MADD: variants seen among roughly 807,000 people sequenced by gnomAD.
The protein encoded by MADD is MAP kinase activating death domain.
In MADD, 109 loss-of-function variants were observed where a neutral mutation model predicts 176.7. That is an observed-to-expected ratio of 0.62 (90% CI 0.53 to 0.72). The LOEUF (loss-of-function observed/expected upper bound fraction) is 0.72, where lower values mean the gene tolerates loss of function less well. MADD is among the 30% of genes least tolerant of loss of function. The pLI is 0.00. For synonymous variants in MADD, 771 were observed against 771.3 expected (o/e 1.00, Z 0.01); for missense variants, 1,914 against 2,045.5 (o/e 0.94, Z 1.24).
At chr11:47,316,877 G>A (rs945938836) in intron 27 of MADD, among the ~76,000 whole-genome samples, 1 of 151,880 alleles carries the variant, frequency 6.6e-6, no homozygotes, top group African/African-American at 2.4e-5. Context: ...CTGAGTAGCT[G>A]GGATTACAGT....
At chr11:47,317,807 A>T (rs557416321) in intron 27 of MADD, among the ~76,000 whole-genome samples, 4 of 150,344 alleles carry the variant, frequency 2.7e-5, no homozygotes, top group Non-Finnish European at 4.4e-5. Context: ...GTCTCTCTCT[A>T]TCGCCCAGGC....
intron 10 of MADD, 105 bp downstream of exon 10, chr11:47,283,074 G>T: frequency 1.1e-6 from 1 of 918,170 alleles, no homozygotes; most frequent in Non-Finnish European, 1.5e-6. Flanking sequence ...CCATATCAGT[G>T]TTTTTAATTT....
At chr11:47,283,345 G>A (rs780762067) in intron 10 of MADD, among the ~76,000 whole-genome samples, 3 of 151,798 alleles carry the variant, frequency 2.0e-5, no homozygotes, top group Non-Finnish European at 4.4e-5. Flanking sequence ...TGCCCGCCTC[G>A]GCCTCCCAAA....
intron 20 of MADD, 53 bp from the exon 23 acceptor site, chr11:47,295,443 G>A: frequency 1.4e-6 from 2 of 1,415,596 alleles, no homozygotes; most frequent in Non-Finnish European, 2.0e-6. Flanking sequence ...ATTTCTGTGG[G>A]AAACTGAGAG....
At chr11:47,329,333 C>T (rs2095804954) in exon 33 of MADD, 5 of 597,390 alleles carry the variant, frequency 8.4e-6, no homozygotes, top group South Asian at 3.9e-5. Flanking sequence ...AGCGTGTCCA[C>T]CTTCTCCCTC....
rs1025080846 is a variant in MADD at position 47,281,506 on chromosome 11, C to G, written c.1291-69C>G. 6.0e-6 allele frequency: 8 copies of G among 1,332,580 alleles called. No individual in the cohort carries two copies. In the Admixed American group the frequency reaches 1.3e-4, roughly 22 times the overall value. The allele number at this position is 1,332,580 out of a possible 1,614,324, so 82.5% of individuals were successfully genotyped here. A position where few individuals can be genotyped will look rare whatever the true frequency, so the allele number is the denominator to read the frequency against. ...TAGCAGACCTTAGGAAGGCCTTTTC[C>G]TTGGAGTTAAGATTGGCTAGCTGCC... On this transcript the variant is annotated intron_variant, in intron 7 of 32. Transcript: ENST00000402192.
At chr11:47,326,759 A>G (rs1429499002) in exon 31 of MADD, 3 of 1,614,080 alleles carry the variant, frequency 1.9e-6, no homozygotes, top group East Asian at 2.2e-5. Context: ...GCTGAATCAC[A>G]TTAAAAAGTG....
intron 3 of MADD, 102 bp from the exon 4 acceptor site, chr11:47,275,797 G>T (rs1386512443): frequency 1.1e-5 from 13 of 1,150,610 alleles, no homozygotes; most frequent in Non-Finnish European, 1.6e-5. Context: ...ATGATGCTCC[G>T]TTTCCCATTG....
intron 1 of MADD, among the ~76,000 whole-genome samples, chr11:47,273,093 G>A (rs2046301114): frequency 6.6e-6 from 1 of 152,236 alleles, no homozygotes; most frequent in Non-Finnish European, 1.5e-5. Flanking sequence ...GCTGAATGTA[G>A]ATTGTTGAAA....
At chr11:47,274,840 G>A in exon 3 of MADD, 1 of 1,614,194 alleles carries the variant, frequency 6.2e-7, no homozygotes, top group South Asian at 1.1e-5. Context: ...GGAAGGTGGG[G>A]CAGGGTCCCG....
At chr11:47,281,658 G>A (rs994323921) in exon 8 of MADD, 4 of 1,613,414 alleles carry the variant, frequency 2.5e-6, no homozygotes, top group Non-Finnish European at 3.4e-6. Context: ...CCCTTCTCTT[G>A]GGAAGGCCTT....
At chr11:47,295,662 C>A in intron 21 of MADD, 83 bp downstream of exon 23, 1 of 1,595,972 alleles carries the variant, frequency 6.3e-7, no homozygotes, top group Non-Finnish European at 8.5e-7. Flanking sequence ...TCTTTGGAGG[C>A]TGCTCTGAGT....
exon 4 of MADD, chr11:47,275,996 C>G (rs369333371): frequency 1.4e-5 from 23 of 1,614,050 alleles, no homozygotes; most frequent in Non-Finnish European, 1.9e-5. Flanking sequence ...CTGGATCTAT[C>G]GATTGCTGCG....
intron 22 of MADD, among the ~76,000 whole-genome samples, chr11:47,307,126 C>G (rs1003597029): frequency 6.6e-6 from 1 of 150,770 alleles, no homozygotes; most frequent in Admixed American, 6.6e-5. Context: ...GTTGCCCAGG[C>G]TGGTCTTGAA....
chr11:47,315,548 C>G (rs978534437), intron 27 of MADD, among the ~76,000 whole-genome samples: 7 of 152,082 alleles, frequency 4.6e-5, no homozygotes, highest in African/African-American at 1.7e-4. Flanking sequence ...GATCTCGGCT[C>G]ACTGCAACCT....
At chr11:47,273,862 C>A in exon 2 of MADD, 2 of 1,503,106 alleles carry the variant, frequency 1.3e-6, no homozygotes, top group Non-Finnish European at 1.9e-6. Context: ...GGAATGCTGA[C>A]TCCTTGCTTG....
exon 11 of MADD, chr11:47,284,217 T>G (rs2059107003): frequency 1.2e-6 from 2 of 1,614,036 alleles, no homozygotes; most frequent in African/African-American, 1.3e-5. Context: ...CAAGCTCTTC[T>G]TACTCCTCCC....
rs761599546 is a variant in MADD at position 47,315,256 on chromosome 11, C to T, written c.4126C>T (p.Arg1376Trp). 1.2e-5 allele frequency: 20 copies of T among 1,613,620 alleles called. No homozygotes were observed. The highest frequency in any genetic ancestry group is 4.5e-5 in the East Asian group (2 of 44,886). Residue 1376 changes from arginine (R) to tryptophan (W), a missense_variant, in exon 27 of 33, where the codon CGG becomes TGG. Physicochemically the swap from Arg to Trp is moderately radical, Grantham distance 101. This residue lies in a region of MADD where 1,767 missense variants were observed against 1,836.0 expected (regional missense o/e 0.96). Coordinates refer to ENST00000402192, the Ensembl canonical transcript of MADD. ...TCTCTCTATCTGGTCCAGTGGCAGCCGGCACATGAAGAAGCAGACATTTGT... is the reference window on the plus strand; with the variant it reads ...TCTCTCTATCTGGTCCAGTGGCAGCTGGCACATGAAGAAGCAGACATTTGT...
At chr11:47,328,403 C>T (rs920792207) in intron 31 of MADD, 8 of 1,406,018 alleles carry the variant, frequency 5.7e-6, no homozygotes, top group South Asian at 4.6e-5. Context: ...GGTAGAATCA[C>T]GGCCATCAAG....
Sources: gnomAD v4.1 joint callset for allele counts (sites outside exome capture counted in the v4.1 genomes callset) on GRCh38, gnomAD v4.1.1 for gene constraint, gnomAD v4.1.1 regional missense constraint, MANE v1.5 for transcripts, NCBI Gene and HGNC (gene_info 2026-07-23, HGNC 2026-07-21) for gene names.